The following MICU1 variants were observed in gnomAD, a reference collection of about 807,000 sequenced individuals.
MICU1 encodes mitochondrial calcium uptake 1.
Under a neutral mutation model 56.8 loss-of-function variants are expected in MICU1, and 45 were observed. The ratio of observed to expected loss-of-function variants is 0.79; its 90% CI spans 0.62 to 1.02. The LOEUF (loss-of-function observed/expected upper bound fraction) is 1.02, where lower values mean the gene tolerates loss of function less well. MICU1 is among the 50% of genes least tolerant of loss of function. The pLI, the probability that MICU1 is intolerant of heterozygous loss-of-function variation, is 0.00. For synonymous variants in MICU1, 186 were observed against 195.1 expected, an observed-to-expected ratio of 0.95 and a Z score of 0.39; for missense variants, 504 against 587.1, an observed-to-expected ratio of 0.86 and a Z score of 1.46.
chr10:72,543,727 C>T (rs866515223), intron 4 of MICU1, among the ~76,000 whole-genome samples: 10 of 151,944 alleles, frequency 6.6e-5, no homozygotes, highest in African/African-American at 1.7e-4. Context: ...TGGTGGCAGG[C>T]GCCTGTAGTC....
chr10:72,392,696 C>T (rs1311637008), intron 10 of MICU1, among the ~76,000 whole-genome samples: 2 of 152,242 alleles, frequency 1.3e-5, no homozygotes, highest in Non-Finnish European at 2.9e-5. Flanking sequence ...TGCTCTTAAC[C>T]ATTACACATT....
chr10:72,605,528 C>G (rs1269857718), intron 1 of MICU1, among the ~76,000 whole-genome samples: 1 of 152,210 alleles, frequency 6.6e-6, no homozygotes, highest in East Asian at 1.9e-4. Context: ...TTGGGCAAAG[C>G]CAAGAATCCA....
chr10:72,507,362 C>G (rs1464338968), intron 6 of MICU1, among the ~76,000 whole-genome samples: 1 of 152,080 alleles, frequency 6.6e-6, no homozygotes, highest in Non-Finnish European at 1.5e-5. Flanking sequence ...ATCAACAAAG[C>G]TATTGATAGT....
intron 1 of MICU1, among the ~76,000 whole-genome samples, chr10:72,570,560 T>C (rs1297362754): frequency 6.6e-6 from 1 of 152,218 alleles, no homozygotes; most frequent in East Asian, 1.9e-4. Flanking sequence ...CTAAAATCAA[T>C]GAGCTGGTTA....
chr10:72,574,771 A>G (rs1396039960), intron 1 of MICU1, among the ~76,000 whole-genome samples: 3 of 152,142 alleles, frequency 2.0e-5, no homozygotes, highest in African/African-American at 2.4e-5. Flanking sequence ...GGATAAAGGG[A>G]AGCTTTATTA....
chr10:72,492,262 G>C (rs1388418477), intron 6 of MICU1, among the ~76,000 whole-genome samples: 1 of 152,102 alleles, frequency 6.6e-6, no homozygotes, highest in Non-Finnish European at 1.5e-5. Flanking sequence ...CATTCTCGCT[G>C]CTGTATTGCA....
chr10:72,505,996 CAAAA>C (rs34458233), intron 6 of MICU1, among the ~76,000 whole-genome samples: 1 of 138,394 alleles, frequency 7.2e-6, no homozygotes. Flanking sequence ...AACAAGCAAG[CAAAA>C]AAAAAAAAAA....
chr10:72,386,746 G>C (rs927394103), intron 10 of MICU1, among the ~76,000 whole-genome samples: 1 of 151,534 alleles, frequency 6.6e-6, no homozygotes, highest in African/African-American at 2.4e-5. Context: ...ATTTTTTGTA[G>C]AGACAGAGTC....
intron 8 of MICU1, among the ~76,000 whole-genome samples, chr10:72,454,782 C>CAAAAAAAAAAAA (rs10591892): frequency 8.4e-6 from 1 of 119,050 alleles, no homozygotes; most frequent in African/African-American, 3.1e-5. Flanking sequence ...AACTCCATCT[C>CAAAAAAAAAAAA]AAAAAAAAAA....
chr10:72,447,731 A>T (rs1218734580), intron 8 of MICU1, among the ~76,000 whole-genome samples: 1 of 152,198 alleles, frequency 6.6e-6, no homozygotes, highest in Non-Finnish European at 1.5e-5. Flanking sequence ...GCCATGTTCA[A>T]TGAATCTATC....
rs766259321 is a variant in MICU1 at position 72,475,280 on chromosome 10, G to T, written c.753C>A (p.Arg251=). ...EEFEQVQSII[R]SQTSMGMRHR... Reference sequence around the variant, plus strand: ...GGCGCATACCCATACTGGTTTGGGAGCGAATGATGCTCTGAACCTAATACA... The same window carrying T: ...GGCGCATACCCATACTGGTTTGGGATCGAATGATGCTCTGAACCTAATACA... Residue 251 remains arginine, a synonymous_variant, in exon 8 of 12, where the codon CGC becomes CGA. Transcript: ENST00000361114. The T allele has an allele frequency of 1.2e-6, 2 of 1,605,066 alleles. No individual in the cohort carries two copies. Among genetic ancestry groups the T allele is most frequent in the South Asian group, 2.2e-5 (2 of 89,288 alleles).
chr10:72,518,701 G>C (rs1211960951), intron 5 of MICU1, among the ~76,000 whole-genome samples: 1 of 151,680 alleles, frequency 6.6e-6, no homozygotes, highest in South Asian at 2.1e-4. Context: ...TTTTCTCTTT[G>C]AGATGGAGCC....
intron 6 of MICU1, among the ~76,000 whole-genome samples, chr10:72,500,704 T>C (rs1292724533): frequency 6.6e-6 from 1 of 152,182 alleles, no homozygotes; most frequent in Non-Finnish European, 1.5e-5. Flanking sequence ...TAACTTTAGA[T>C]TGAACATATA....
chr10:72,590,048 T>C (rs761793225), intron 1 of MICU1, among the ~76,000 whole-genome samples: 6 of 152,096 alleles, frequency 3.9e-5, no homozygotes, highest in Non-Finnish European at 8.8e-5. Flanking sequence ...TATAAGTCTC[T>C]CCTTATCAGT....
chr10:72,450,230 G>A (rs79643625), intron 8 of MICU1, among the ~76,000 whole-genome samples: 6,385 of 151,988 alleles, frequency 0.042, 432 homozygotes, highest in African/African-American at 0.15. Flanking sequence ...GAGAGGTGGT[G>A]AAGCAGGAAA....
intron 6 of MICU1, among the ~76,000 whole-genome samples, chr10:72,503,865 GACACACACAC>G (rs59119352): frequency 4.0e-4 from 59 of 146,406 alleles, no homozygotes; most frequent in African/African-American, 1.1e-3. Context: ...ATTTACAATA[GACACACACAC>G]ACACACACAC....
chr10:72,460,412 C>G (rs1325007592), intron 8 of MICU1, among the ~76,000 whole-genome samples: 2 of 151,962 alleles, frequency 1.3e-5, no homozygotes, highest in African/African-American at 4.8e-5. Context: ...AGTCATGTAG[C>G]TTTAATAAAA....
At chr10:72,492,499 C>T (rs1866691175) in intron 6 of MICU1, among the ~76,000 whole-genome samples, 1 of 151,934 alleles carries the variant, frequency 6.6e-6, no homozygotes, top group East Asian at 1.9e-4. Context: ...GTGGTGGCTC[C>T]TGCCTGTAAT....
chr10:72,400,947 A>G (rs1360396651), intron 10 of MICU1, among the ~76,000 whole-genome samples: 1 of 151,846 alleles, frequency 6.6e-6, no homozygotes. Flanking sequence ...GATTCTGCAA[A>G]TATCAGTGGA....
Sources: allele counts gnomAD v4.1 joint callset (sites outside exome capture counted in the v4.1 genomes callset), GRCh38; gene constraint gnomAD v4.1.1; transcripts MANE v1.5; gene names NCBI Gene and HGNC (gene_info 2026-07-23, HGNC 2026-07-21).